USP45: variants seen among roughly 807,000 people sequenced by gnomAD.
USP45 encodes ubiquitin specific peptidase 45.
Under a neutral mutation model 95.8 loss-of-function variants are expected in USP45, and 89 were observed. The ratio of observed to expected loss-of-function variants is 0.93; its 90% CI spans 0.78 to 1.11. The LOEUF is 1.11. Among genes scored for constraint, USP45 ranks in the 50% least tolerant of loss-of-function variants. USP45 has a pLI of 0.00. For missense variants in USP45, 898 were observed against 942.5 expected (o/e 0.95, Z 0.62); for synonymous variants, 281 against 316.2 (o/e 0.89, Z 1.18).
intron 13 of USP45, chr6:99,462,355 A>T (rs1443084432): frequency 1.0e-6 from 1 of 984,798 alleles, no homozygotes; most frequent in Non-Finnish European, 1.2e-6. Flanking sequence ...TATTTCTCTC[A>T]TACATTTGGA....
intron 9 of USP45, among the ~76,000 whole-genome samples, chr6:99,473,854 T>TAGTAAGGA (rs2128666248): frequency 6.8e-6 from 1 of 147,540 alleles, no homozygotes; most frequent in East Asian, 2.0e-4. Context: ...AGACAATACA[T>TAGTAAGGA]AGTACCATTC....
chr6:99,509,304 T>G (rs1799243840), intron 2 of USP45, among the ~76,000 whole-genome samples: 1 of 152,164 alleles, frequency 6.6e-6, no homozygotes. Context: ...CCTCCCCTGA[T>G]GTTAATGTTT....
chr6:99,450,137 A>T (rs920405434), intron 13 of USP45, among the ~76,000 whole-genome samples: 1 of 152,200 alleles, frequency 6.6e-6, no homozygotes, highest in Non-Finnish European at 1.5e-5. Flanking sequence ...AAGCAAGAGC[A>T]AACAAATTCA....
intron 16 of USP45, 44 bp downstream of exon 16, chr6:99,439,725 G>T: frequency 1.5e-6 from 2 of 1,342,904 alleles, no homozygotes; most frequent in East Asian, 2.7e-5. Context: ...ATACTTTCAA[G>T]CATATTAATT....
At chr6:99,487,288 GT>G (rs1794138771) in intron 7 of USP45, among the ~76,000 whole-genome samples, 1 of 152,120 alleles carries the variant, frequency 6.6e-6, no homozygotes, top group East Asian at 1.9e-4. Flanking sequence ...AAGTGATCTT[GT>G]TTTAGACAAA....
intron 13 of USP45, chr6:99,462,755 AG>A (rs1786789680): frequency 2.2e-6 from 2 of 910,212 alleles, no homozygotes; most frequent in Non-Finnish European, 2.6e-6. Context: ...CAAGGCAGGT[AG>A]ATCACTTGAG....
chr6:99,500,217 C>G (rs898358682), intron 5 of USP45, among the ~76,000 whole-genome samples: 2 of 150,990 alleles, frequency 1.3e-5, no homozygotes, highest in African/African-American at 4.9e-5. Flanking sequence ...CTCCGCCTCC[C>G]GGGTTCAAAC....
At chr6:99,510,378 A>G in intron 1 of USP45, 148 bp from the exon 2 acceptor site, 1 of 595,468 alleles carries the variant, frequency 1.7e-6, no homozygotes, top group Non-Finnish European at 2.9e-6. Context: ...ACATCACTTG[A>G]AATGAAATAA....
At chr6:99,496,947 C>T (rs970540348) in intron 5 of USP45, among the ~76,000 whole-genome samples, 2 of 152,042 alleles carry the variant, frequency 1.3e-5, no homozygotes, top group African/African-American at 4.8e-5. Context: ...CCTAAAGTTC[C>T]TAGTTTACAT....
chr6:99,504,953 G>C (rs1397698681), intron 4 of USP45, among the ~76,000 whole-genome samples: 1 of 152,104 alleles, frequency 6.6e-6, no homozygotes, highest in Non-Finnish European at 1.5e-5. Flanking sequence ...GCTGTGAGTT[G>C]ATAATGTTTA....
At chr6:99,487,814 T>C (rs1174661893) in intron 7 of USP45, among the ~76,000 whole-genome samples, 1 of 151,794 alleles carries the variant, frequency 6.6e-6, no homozygotes, top group African/African-American at 2.4e-5. Context: ...AAAAAAACCT[T>C]TAGATGCTCA....
rs1788079757 is a variant in USP45 at position 99,466,756 on chromosome 6, T to C, written c.1023A>G (p.Gly341=). 3 of 1,612,878 alleles carry C rather than the reference T, an allele frequency of 1.9e-6. No individual in the cohort carries two copies. Residue 341 remains glycine, a synonymous_variant, in exon 11 of 18, where the codon GGA becomes GGG. Transcript: ENST00000500704. ...TGAAGTTCATTTTCACACCTTCTTT[T>C]CCATATGCTGTAAAAATCATACTTT... ...DETRKKVKAY[G]KEGVKMNFID... is the part of the protein sequence containing the mutation.
At chr6:99,492,844 AGTCT>A (rs1795492563) in intron 5 of USP45, among the ~76,000 whole-genome samples, 1 of 152,210 alleles carries the variant, frequency 6.6e-6, no homozygotes, top group Non-Finnish European at 1.5e-5. Flanking sequence ...TAAAAGTGTA[AGTCT>A]TAAATTTTAC....
chr6:99,455,800 C>T (rs1784907642), intron 13 of USP45, among the ~76,000 whole-genome samples: 1 of 119,682 alleles, frequency 8.4e-6, no homozygotes, highest in South Asian at 2.9e-4. Context: ...ATCCCATGTT[C>T]TCACTCTTAT....
At chr6:99,479,378 A>AT (rs1033841879) in intron 8 of USP45, among the ~76,000 whole-genome samples, 3 of 150,496 alleles carry the variant, frequency 2.0e-5, no homozygotes, top group Non-Finnish European at 4.4e-5. Context: ...CCTCTGGCTA[A>AT]TTTTTTTTTC....
intron 13 of USP45, among the ~76,000 whole-genome samples, chr6:99,457,006 G>C (rs1032548252): frequency 6.6e-6 from 1 of 152,164 alleles, no homozygotes; most frequent in Admixed American, 6.5e-5. Flanking sequence ...TCTTATGGTC[G>C]AGACTGCAGG....
At position 99,482,738 on chromosome 6, in the gene USP45, T is replaced by G. The variant is rs377291624; in HGVS notation, c.845+15A>C. On this transcript the variant is annotated intron_variant, in intron 8 of 17. Coordinates refer to ENST00000500704, the MANE Select transcript of USP45 (RefSeq NM_001346022.3). The stretch of plus-strand genomic sequence containing the variant: ...GTAACTCATAATTATTTATATTAAA[T>G]GTAGATGCACCCACTTCTGACAAAG... 20 of 1,579,332 alleles carry G rather than the reference T, an allele frequency of 1.3e-5. No individual in the cohort carries two copies. In the African/African-American group the frequency reaches 2.6e-4, roughly 21 times the overall value.
At chr6:99,500,152 T>G (rs757394611) in intron 5 of USP45, among the ~76,000 whole-genome samples, 7 of 152,148 alleles carry the variant, frequency 4.6e-5, no homozygotes, top group Non-Finnish European at 7.4e-5. Flanking sequence ...TTTGAGACAG[T>G]CTCACTCTGT....
At chr6:99,441,519 C>T (rs369976033) in intron 15 of USP45, among the ~76,000 whole-genome samples, 73 of 150,576 alleles carry the variant, frequency 4.8e-4, no homozygotes, top group African/African-American at 1.7e-3. Flanking sequence ...GCGACAAAAG[C>T]GAAACTCCAT....
Sources: gnomAD v4.1 joint callset for allele counts (sites outside exome capture counted in the v4.1 genomes callset) on GRCh38, gnomAD v4.1.1 for gene constraint, MANE v1.5 for transcripts, NCBI Gene and HGNC (gene_info 2026-07-23, HGNC 2026-07-21) for gene names.